CNTN6: variants seen among roughly 807,000 people sequenced by gnomAD.
CNTN6 encodes the protein contactin-6.
CNTN6 carries 137 observed loss-of-function variants against 122.8 expected under a neutral mutation model. The observed-to-expected ratio is 1.12, with a 90% confidence interval of 0.97 to 1.29. The LOEUF (loss-of-function observed/expected upper bound fraction) is 1.29, where lower values mean the gene tolerates loss of function less well. Among genes scored for constraint, CNTN6 ranks in the 50% most tolerant of loss-of-function variants. The probability of loss-of-function intolerance (pLI) is 0.00; values close to 1 mark genes in which losing one functional copy is unlikely to be tolerated. For missense variants in CNTN6, 1,634 were observed against 1,223.4 expected (o/e 1.34, Z -5.01); for synonymous variants, 570 against 426.0 (o/e 1.34, Z -4.16).
chr3:1,376,094 T>A (rs1361154472), intron 16 of CNTN6, among the ~76,000 whole-genome samples: 6 of 152,140 alleles, frequency 3.9e-5, no homozygotes, highest in Non-Finnish European at 2.9e-5. Flanking sequence ...TAATTCCACA[T>A]TTAAAAAGTA....
chr3:1,223,791 C>T (rs968450615), intron 3 of CNTN6, among the ~76,000 whole-genome samples: 1 of 152,186 alleles, frequency 6.6e-6, no homozygotes, highest in African/African-American at 2.4e-5. Flanking sequence ...TAGTCATGAA[C>T]ACAACCTTAA....
intron 2 of CNTN6, among the ~76,000 whole-genome samples, chr3:1,166,212 G>A (rs771881620): frequency 6.6e-6 from 1 of 152,178 alleles, no homozygotes; most frequent in Admixed American, 6.5e-5. Context: ...AGGAGTTATC[G>A]TGGGAGTGGT....
In CNTN6 at chr3:1,220,601, T is replaced by C. The variant is rs142277610; in HGVS notation, c.56-86T>C. 1.9e-5 allele frequency: 20 copies of C among 1,068,812 alleles called. No homozygotes were observed. The East Asian group carries it at 4.8e-4, about 26-fold the overall frequency. The allele number at this position is 1,068,812 out of a possible 1,614,324, so 66.2% of individuals were successfully genotyped here. On this transcript the variant is annotated intron_variant, in intron 2 of 22. Coordinates refer to ENST00000446702, the MANE Select transcript of CNTN6 (RefSeq NM_001289080.2). The stretch of plus-strand genomic sequence containing the variant: ...TTTTAAAATAAAATAATTTTAAATA[T>C]GTATATTGAATTGATATTTAATATA...
chr3:1,294,082 A>G (rs1012652584), intron 5 of CNTN6, among the ~76,000 whole-genome samples: 7 of 152,168 alleles, frequency 4.6e-5, no homozygotes, highest in Non-Finnish European at 8.8e-5. Context: ...TTACATCTAC[A>G]TTATGGCTTA....
intron 4 of CNTN6, among the ~76,000 whole-genome samples, chr3:1,268,026 T>C (rs909979631): frequency 6.6e-6 from 1 of 152,194 alleles, no homozygotes; most frequent in Non-Finnish European, 1.5e-5. Context: ...CACATATTAA[T>C]CCCAAGAAGC....
At chr3:1,277,062 A>G (rs1692503285) in intron 4 of CNTN6, among the ~76,000 whole-genome samples, 1 of 152,200 alleles carries the variant, frequency 6.6e-6, no homozygotes, top group South Asian at 2.1e-4. Flanking sequence ...TGCCATATTT[A>G]GCTGCAAAGA....
intron 19 of CNTN6, among the ~76,000 whole-genome samples, chr3:1,385,177 T>A (rs1692678074): frequency 6.6e-6 from 1 of 151,996 alleles, no homozygotes; most frequent in Non-Finnish European, 1.5e-5. Context: ...AATGCAAAGG[T>A]AGGGTTCAGT....
At chr3:1,212,018 A>G (rs2094045656) in intron 2 of CNTN6, among the ~76,000 whole-genome samples, 1 of 152,132 alleles carries the variant, frequency 6.6e-6, no homozygotes, top group Non-Finnish European at 1.5e-5. Context: ...AGTTCTCAGT[A>G]TTTAGGGAAT....
At chr3:1,227,467 G>A (rs1027943720) in intron 3 of CNTN6, among the ~76,000 whole-genome samples, 8 of 152,092 alleles carry the variant, frequency 5.3e-5, no homozygotes, top group Admixed American at 1.3e-4. Flanking sequence ...ACCAGTTGTG[G>A]ATGTTCAGGT....
chr3:1,202,543 A>AACAT (rs1265347536), intron 2 of CNTN6, among the ~76,000 whole-genome samples: 6 of 126,504 alleles, frequency 4.7e-5, no homozygotes, highest in Non-Finnish European at 7.0e-5. Flanking sequence ...TCCGTCTCAA[A>AACAT]AAATAAATAA....
chr3:1,112,154 C>A (rs2091510821), intron 1 of CNTN6, among the ~76,000 whole-genome samples: 1 of 152,090 alleles, frequency 6.6e-6, no homozygotes, highest in African/African-American at 2.4e-5. Context: ...CCTCATTAAC[C>A]ACCTGTTACT....
intron 11 of CNTN6, among the ~76,000 whole-genome samples, chr3:1,340,552 T>G (rs1293634975): frequency 6.6e-6 from 1 of 152,154 alleles, no homozygotes; most frequent in African/African-American, 2.4e-5. Context: ...GTAAGCAGGT[T>G]AAAGTCGCTA....
At chr3:1,325,706 C>A in intron 8 of CNTN6, 109 bp from the exon 9 acceptor site, 1 of 1,147,196 alleles carries the variant, frequency 8.7e-7, no homozygotes, top group Non-Finnish European at 1.2e-6. Flanking sequence ...TGCAATCCAA[C>A]TGGACCCAGT....
intron 2 of CNTN6, among the ~76,000 whole-genome samples, chr3:1,160,662 TAAA>T (rs34452868): frequency 0.18 from 25,103 of 136,216 alleles, 2,599 homozygotes; most frequent in East Asian, 0.32. Context: ...TAAATGTACG[TAAA>T]AAAAAAAAAA....
chr3:1,261,409 C>T (rs2094844193), intron 4 of CNTN6, among the ~76,000 whole-genome samples: 1 of 152,088 alleles, frequency 6.6e-6, no homozygotes. Flanking sequence ...GTGCCCCCTA[C>T]AGCTATCAAG....
intron 11 of CNTN6, among the ~76,000 whole-genome samples, chr3:1,349,046 A>G (rs1333468643): frequency 6.6e-6 from 1 of 151,988 alleles, no homozygotes; most frequent in East Asian, 1.9e-4. Context: ...CACAGTAGAC[A>G]TTTAGAAAGT....
At chr3:1,122,453 CCATGA>C (rs2091993341) in intron 1 of CNTN6, among the ~76,000 whole-genome samples, 1 of 150,158 alleles carries the variant, frequency 6.7e-6, no homozygotes, top group African/African-American at 2.5e-5. Flanking sequence ...AGTATAATTC[CCATGA>C]CATAAAAGTA....
chr3:1,403,441 A>G lies in CNTN6; in HGVS notation c.*23A>G, dbSNP rs1173327064. 2 of 1,523,900 alleles carry G rather than the reference A, an allele frequency of 1.3e-6. No homozygotes were observed. The highest frequency in any genetic ancestry group is 1.8e-6 in the Non-Finnish European group (2 of 1,100,352). The allele number at this position is 1,523,900 out of a possible 1,614,324, so 94.4% of individuals were successfully genotyped here. A position where few individuals can be genotyped will look rare whatever the true frequency, so the allele number is the denominator to read the frequency against. ...TGATGAATAAAACCATAAATCTTTG[A>G]GAGTTTTTTGAAAGCAAATCATTCT... is the stretch of plus-strand genomic sequence containing the variant. On this transcript the variant is annotated 3_prime_UTR_variant, in exon 23 of 23. Coordinates refer to ENST00000446702, the MANE Select transcript of CNTN6 (RefSeq NM_001289080.2).
chr3:1,390,728 C>A (rs1056645878), intron 20 of CNTN6, among the ~76,000 whole-genome samples: 1 of 151,836 alleles, frequency 6.6e-6, no homozygotes, highest in African/African-American at 2.4e-5. Context: ...GGGGATATCA[C>A]CACCAATCCC....
Sources: allele counts gnomAD v4.1 joint callset (sites outside exome capture counted in the v4.1 genomes callset), GRCh38; gene constraint gnomAD v4.1.1; transcripts MANE v1.5; gene names NCBI Gene and HGNC (gene_info 2026-07-23, HGNC 2026-07-21).